PAPPA2: variants seen among roughly 807,000 people sequenced by gnomAD.
PAPPA2 encodes pappalysin-2.
A neutral mutation model predicts 176.4 loss-of-function variants in PAPPA2; 86 were observed. That is an observed-to-expected ratio of 0.49 (90% CI 0.41 to 0.58). The LOEUF is 0.58. PAPPA2 is among the 20% of genes least tolerant of loss of function. The pLI, the probability that PAPPA2 is intolerant of heterozygous loss-of-function variation, is 0.00. For missense variants in PAPPA2, 2,073 were observed against 2,256.9 expected (o/e 0.92, Z 1.65); for synonymous variants, 809 against 852.2 (o/e 0.95, Z 0.88).
At chr1:176,768,107 C>G (rs1240772780) in intron 15 of PAPPA2, among the ~76,000 whole-genome samples, 1 of 152,142 alleles carries the variant, frequency 6.6e-6, no homozygotes, top group Admixed American at 6.5e-5. Flanking sequence ...ACTCCCCTTT[C>G]TATCTTTGAC....
intron 17 of PAPPA2, among the ~76,000 whole-genome samples, chr1:176,778,432 C>T (rs1435546140): frequency 6.6e-6 from 1 of 152,062 alleles, no homozygotes; most frequent in South Asian, 2.1e-4. Flanking sequence ...GAGACATTAC[C>T]CAGATTTTTA....
At chr1:176,529,445 TCTC>T (rs1249950958) in intron 1 of PAPPA2, among the ~76,000 whole-genome samples, 4 of 144,050 alleles carry the variant, frequency 2.8e-5, no homozygotes, top group Admixed American at 7.0e-5. Context: ...TTGGATCTGA[TCTC>T]CTGGCTGCCG....
At chr1:176,580,753 A>G (rs79751962) in intron 2 of PAPPA2, among the ~76,000 whole-genome samples, 4,219 of 152,060 alleles carry the variant, frequency 0.028, 87 homozygotes, top group Non-Finnish European at 0.046. Context: ...AGTGTTTCAT[A>G]TATTTGTTGG....
In PAPPA2 at chr1:176,702,774, TGTGAGAGAGA is replaced by T. The variant is rs57508344; in HGVS notation, c.3365+41_3365+50del. On this transcript the variant is annotated intron_variant, in intron 9 of 22. Coordinates refer to ENST00000367662, the MANE Select transcript of PAPPA2 (RefSeq NM_020318.3). ...GTGTGTGTGTGTGTGTGTGTGTGTG[TGTGAGAGAGA>T]GAGAGAGAGAGAGAGAGAGGGAGGG... The T allele has an allele frequency of 8.1e-3, 11,526 of 1,425,252 alleles. 406 individuals are homozygous for T. The African/African-American group carries it at 0.14, about 17-fold the overall frequency. 88.3% of individuals were successfully genotyped at this position (1,425,252 alleles called of 1,614,324 possible).
At chr1:176,707,565 G>A (rs1660930097) in intron 10 of PAPPA2, among the ~76,000 whole-genome samples, 1 of 152,118 alleles carries the variant, frequency 6.6e-6, no homozygotes, top group South Asian at 2.1e-4. Context: ...TCTAGCTTTT[G>A]CTTACCTAAA....
intron 14 of PAPPA2, among the ~76,000 whole-genome samples, chr1:176,744,069 A>G (rs900173674): frequency 1.3e-5 from 2 of 152,102 alleles, no homozygotes; most frequent in African/African-American, 4.8e-5. Context: ...CTTTTATGCA[A>G]TTGTGCTTCT....
At chr1:176,599,690 T>C (rs1398204744) in intron 3 of PAPPA2, among the ~76,000 whole-genome samples, 2 of 151,866 alleles carry the variant, frequency 1.3e-5, no homozygotes, top group African/African-American at 4.8e-5. Context: ...ATTGTTTTTT[T>C]GTGTGTTATA....
intron 6 of PAPPA2, among the ~76,000 whole-genome samples, chr1:176,694,985 C>G (rs992206761): frequency 2.0e-5 from 3 of 152,150 alleles, no homozygotes; most frequent in African/African-American, 7.2e-5. Flanking sequence ...AGGCTAAGTG[C>G]TACTGCAGAG....
intron 3 of PAPPA2, among the ~76,000 whole-genome samples, chr1:176,666,152 C>T (rs1350580682): frequency 6.6e-6 from 1 of 152,076 alleles, no homozygotes; most frequent in East Asian, 1.9e-4. Context: ...GACTGAGAAT[C>T]GTTGGTCTCT....
At chr1:176,810,401 G>A (rs1170994295) in intron 21 of PAPPA2, among the ~76,000 whole-genome samples, 1 of 152,162 alleles carries the variant, frequency 6.6e-6, no homozygotes, top group Non-Finnish European at 1.5e-5. Flanking sequence ...GACAGTGTCG[G>A]TGGGGGGAGT....
intron 2 of PAPPA2, among the ~76,000 whole-genome samples, chr1:176,587,689 G>A (rs1235031201): frequency 6.6e-6 from 1 of 152,162 alleles, no homozygotes; most frequent in African/African-American, 2.4e-5. Flanking sequence ...GGTTACTGTA[G>A]ACTTGTACTA....
At chr1:176,777,405 A>G (rs1664508156) in intron 17 of PAPPA2, among the ~76,000 whole-genome samples, 1 of 152,178 alleles carries the variant, frequency 6.6e-6, no homozygotes, top group South Asian at 2.1e-4. Flanking sequence ...TTCACATTCA[A>G]GGAGACTGGG....
intron 21 of PAPPA2, among the ~76,000 whole-genome samples, chr1:176,819,956 A>T (rs1666589579): frequency 6.6e-6 from 1 of 152,148 alleles, no homozygotes; most frequent in African/African-American, 2.4e-5. Flanking sequence ...GGGGCTTCCT[A>T]GTAACCCCCC....
At chr1:176,655,056 G>GT (rs1408386849) in intron 3 of PAPPA2, among the ~76,000 whole-genome samples, 1 of 151,730 alleles carries the variant, frequency 6.6e-6, no homozygotes, top group Non-Finnish European at 1.5e-5. Flanking sequence ...TTAGATGCCT[G>GT]TTTTTTATTT....
chr1:176,552,072 C>T (rs1018275642), intron 1 of PAPPA2, among the ~76,000 whole-genome samples: 5 of 152,184 alleles, frequency 3.3e-5, no homozygotes, highest in East Asian at 3.9e-4. Flanking sequence ...AACCTAACCT[C>T]GACCCCATGT....
chr1:176,612,829 T>C (rs566672852), intron 3 of PAPPA2, among the ~76,000 whole-genome samples: 1 of 152,316 alleles, frequency 6.6e-6, no homozygotes, highest in South Asian at 2.1e-4. Flanking sequence ...AAAATAATTT[T>C]ATTCCAGCAC....
chr1:176,762,342 G>A (rs1466916911), intron 14 of PAPPA2, among the ~76,000 whole-genome samples: 1 of 148,926 alleles, frequency 6.7e-6, no homozygotes, highest in Non-Finnish European at 1.5e-5. Flanking sequence ...TGCTTCTCCT[G>A]CTGGATGGAC....
At chr1:176,494,632 G>A (rs1262678408) in intron 1 of PAPPA2, among the ~76,000 whole-genome samples, 1 of 152,142 alleles carries the variant, frequency 6.6e-6, no homozygotes, top group Non-Finnish European at 1.5e-5. Flanking sequence ...GGCAGATTTT[G>A]GCCTGGGCTA....
intron 1 of PAPPA2, among the ~76,000 whole-genome samples, chr1:176,464,292 T>C (rs1209504588): frequency 6.6e-6 from 1 of 152,174 alleles, no homozygotes; most frequent in African/African-American, 2.4e-5. Context: ...TCTTGCTGAG[T>C]CTAGTTTTGC....
Sources: allele counts gnomAD v4.1 joint callset (sites outside exome capture counted in the v4.1 genomes callset), GRCh38; gene constraint gnomAD v4.1.1; transcripts MANE v1.5; gene names NCBI Gene and HGNC (gene_info 2026-07-23, HGNC 2026-07-21).